The following MARF1 variants were observed in gnomAD, a reference collection of about 807,000 sequenced individuals.
MARF1 encodes the protein limkain-b1.
MARF1 carries 24 observed loss-of-function variants against 168.2 expected under a neutral mutation model. That is an observed-to-expected ratio of 0.14 (90% CI 0.10 to 0.20). The LOEUF (loss-of-function observed/expected upper bound fraction) is 0.20, where lower values mean the gene tolerates loss of function less well. Among genes scored for constraint, MARF1 ranks in the 10% least tolerant of loss-of-function variants. The pLI is 1.00. For missense variants in MARF1, 1,744 were observed against 2,143.6 expected (o/e 0.81, Z 3.68); for synonymous variants, 868 against 822.4 (o/e 1.06, Z -0.95).
At chr16:15,611,806 C>T in intron 17 of MARF1, 72 bp from the exon 18 acceptor site, 1 of 1,297,734 alleles carries the variant, frequency 7.7e-7, no homozygotes, top group South Asian at 1.3e-5. Context: ...CTGGCTCACC[C>T]TCTCGTTACT....
At position 15,625,019 on chromosome 16, in the gene MARF1, T is replaced by C. The variant is rs2034740070; in HGVS notation, c.2108A>G (p.Gln703Arg). 6.2e-7 allele frequency: 1 copy of C among 1,614,228 alleles called. No homozygotes were observed. The highest frequency in any genetic ancestry group is 1.1e-5 in the South Asian group (1 of 91,084). The change falls in exon 9 of 27, where the codon CAG becomes CGG. Residue 703 changes from glutamine to arginine, a missense_variant. Transcript: ENST00000396368. ...GAGAAAGAGTAGTTTCACATACTTC[T>C]GACTGGTTTTGTAAACGGGTTCTGC... is the stretch of plus-strand genomic sequence containing the variant. ...GVAEPVYKTS[Q>R]KKENLSARSV...
rs1253053597 is a variant in MARF1, at chr16:15,636,269, T to A, written c.218A>T (p.Lys73Met). The change falls in exon 3 of 27, where the codon AAG becomes ATG. Residue 73 changes from lysine (K) to methionine (M), a missense_variant. By Grantham distance (95) the Lys-to-Met change is moderately conservative. This residue lies in a region of MARF1 where 318 missense variants were observed against 336.6 expected (regional missense o/e 0.94). Transcript: ENST00000396368. Reference sequence around the variant, plus strand: ...AGGAAGTGGGACTGCTGGAAAAAGCTTAGAGCCAGCATGAAGGGGTGATGG... The same window carrying A: ...AGGAAGTGGGACTGCTGGAAAAAGCATAGAGCCAGCATGAAGGGGTGATGG... ...DVPSPLHAGS[K>M]LFPAVPLPDI... 1.9e-6 allele frequency: 3 copies of A among 1,613,374 alleles called. No homozygotes were observed. The African/African-American group carries it at 4.0e-5, about 22-fold the overall frequency.
rs1177167324 is a variant in MARF1 at position 15,596,547 on chromosome 16, G to GA, written c.*145dup. ...GCTCAAAGCTGTGTTCAATGGAAAA[G>GA]AAAAACATGATAGAACACAGGTAAG... On this transcript the variant is annotated 3_prime_UTR_variant, in exon 27 of 27. Transcript: ENST00000396368. The GA allele has an allele frequency of 1.4e-6, 1 of 718,242 alleles. No homozygotes were observed. Among genetic ancestry groups the GA allele is most frequent in the African/African-American group, 1.8e-5 (1 of 54,896 alleles). The allele number at this position is 718,242 out of a possible 1,614,324, so 44.5% of individuals were successfully genotyped here.
At chr16:15,629,928 T>C (rs1217365896) in intron 7 of MARF1, among the ~76,000 whole-genome samples, 1 of 152,136 alleles carries the variant, frequency 6.6e-6, no homozygotes, top group Non-Finnish European at 1.5e-5. Context: ...AATGCACAAT[T>C]GACTCCACTT....
rs192167716 is a variant in MARF1, at chr16:15,601,860, T to C, written c.4626+131A>G. ...AAAATCATTTACTTTAGACCAACAGTATGTTTTGAAAGGATCAATTCAAAA... is the reference window on the plus strand; with the variant it reads ...AAAATCATTTACTTTAGACCAACAGCATGTTTTGAAAGGATCAATTCAAAA... On this transcript the variant is annotated intron_variant, in intron 23 of 26. Coordinates refer to ENST00000396368, the MANE Select transcript of MARF1 (RefSeq NM_014647.4). 1,458 of 760,574 alleles carry C rather than the reference T, an allele frequency of 1.9e-3. 37 individuals carry two copies. The South Asian group carries it at 0.02, about 11-fold the overall frequency. The allele number at this position is 760,574 out of a possible 1,614,324, so 47.1% of individuals were successfully genotyped here. A position where few individuals can be genotyped will look rare whatever the true frequency, so the allele number is the denominator to read the frequency against.
Position 15,630,422 on chromosome 16 carries a change from G to A in MARF1, c.1434C>T (p.Ala478=). The change falls in exon 7 of 27, where the codon GCC becomes GCT. Residue 478 remains alanine (A), a synonymous_variant. Transcript: ENST00000396368. ...TAGCATGATGCAGCAGTGCTTCTGAGGCCTGGTTTTTATGGACCAAAATAA... is the reference window on the plus strand; with the variant it reads ...TAGCATGATGCAGCAGTGCTTCTGAAGCCTGGTTTTTATGGACCAAAATAA... ...FHIILVHKNQ[A]SEALLHHANE... 6.2e-7 allele frequency: 1 copy of A among 1,613,984 alleles called. No homozygotes were observed. Among genetic ancestry groups the A allele is most frequent in the Non-Finnish European group, 8.5e-7 (1 of 1,179,958 alleles).
intron 18 of MARF1, 50 bp downstream of exon 18, chr16:15,611,541 TA>T (rs768687880): frequency 7.7e-6 from 12 of 1,552,424 alleles, no homozygotes; most frequent in Non-Finnish European, 7.9e-6. Flanking sequence ...TGGCAGAAGA[TA>T]AAATGTCCTA....
In MARF1 at chr16:15,611,750, T is replaced by C. The variant is rs745548094; in HGVS notation, c.3475-16A>G. On this transcript the variant is annotated splice_polypyrimidine_tract_variant and intron_variant, in intron 17 of 26. Transcript: ENST00000396368. ...TTCCAAGAATCTGCAAAGCAAATAGTTTATTTATACACATAAGACCTCAGC... is the reference window on the plus strand; with the variant it reads ...TTCCAAGAATCTGCAAAGCAAATAGCTTATTTATACACATAAGACCTCAGC... 15 of 1,612,914 alleles carry C rather than the reference T, an allele frequency of 9.3e-6. No individual in the cohort carries two copies. Among genetic ancestry groups the C allele is most frequent in the Non-Finnish European group, 1.3e-5 (15 of 1,179,320 alleles).
chr16:15,611,501 A>T, intron 18 of MARF1, 91 bp downstream of exon 18: 1 of 1,155,264 alleles, frequency 8.7e-7, no homozygotes, highest in Non-Finnish European at 1.2e-6. Flanking sequence ...AAGAATGCTT[A>T]ATAGAAATAC....
rs185186373 is a variant in MARF1 at position 15,631,478 on chromosome 16, A to G, written c.1254T>C (p.Asn418=). The G allele has an allele frequency of 1.2e-6, 2 of 1,612,722 alleles. No homozygotes were observed. Among genetic ancestry groups the G allele is most frequent in the African/African-American group, 2.7e-5 (2 of 75,020 alleles). The change falls in exon 6 of 27, where the codon AAT becomes AAC. Residue 418 remains asparagine, a synonymous_variant. Coordinates refer to ENST00000396368, the MANE Select transcript of MARF1 (RefSeq NM_014647.4). The stretch of plus-strand genomic sequence containing the variant: ...CATCAGCGGCATTCTTTGCAGTAGC[A>G]TTGATGTGGGCAACGGTTACCTGCA... ...NNCQVTVAHI[N]ATAKNAADDK...
chr16:15,623,310 C>T (rs182520149), intron 10 of MARF1, among the ~76,000 whole-genome samples, 187 bp from the exon 11 acceptor site: 10 of 109,416 alleles, frequency 9.1e-5, no homozygotes, highest in African/African-American at 2.5e-4. Flanking sequence ...GACAGAGTCT[C>T]GCTCTGTCAC....
At position 15,611,573 on chromosome 16, in the gene MARF1, G is replaced by A. The variant is rs1212087821; in HGVS notation, c.3617+19C>T. ...TCCTAAAATATTTACTTTCATTTCTGTTCTTTTCATCAACTCACCAGTGAT... is the reference window on the plus strand; with the variant it reads ...TCCTAAAATATTTACTTTCATTTCTATTCTTTTCATCAACTCACCAGTGAT... On this transcript the variant is annotated intron_variant, in intron 18 of 26. Transcript: ENST00000396368. 12 of 1,606,784 alleles carry A rather than the reference G, an allele frequency of 7.5e-6. No individual in the cohort carries two copies. The highest frequency in any genetic ancestry group is 2.7e-5 in the African/African-American group (2 of 74,356).
intron 3 of MARF1, 196 bp downstream of exon 3, chr16:15,635,460 T>C: frequency 1.8e-6 from 1 of 569,924 alleles, no homozygotes; most frequent in Non-Finnish European, 3.1e-6. Flanking sequence ...ATAATGACTC[T>C]CTACTTTTTT....
At position 15,624,792 on chromosome 16, in the gene MARF1, G is replaced by C. The variant is rs774748276; in HGVS notation, c.2247C>G (p.Leu749=). Residue 749 remains leucine (L), a synonymous_variant, in exon 10 of 27, where the codon CTC becomes CTG. Transcript: ENST00000396368. The stretch of plus-strand genomic sequence containing the variant: ...ACCTAGAAGACCAAGACTGAGATGC[G>C]AGCAGAGGACTGACTTGCCTGGATG... ...LVASRQVSPL[L]ASQSWSSRSM... 2 of 1,614,178 alleles carry C rather than the reference G, an allele frequency of 1.2e-6. No individual in the cohort carries two copies. The highest frequency in any genetic ancestry group is 1.1e-5 in the South Asian group (1 of 91,080).
intron 7 of MARF1, 26 bp from the exon 8 acceptor site, chr16:15,625,826 G>A (rs376772439): frequency 2.5e-4 from 392 of 1,579,382 alleles, no homozygotes; most frequent in Non-Finnish European, 3.1e-4. Flanking sequence ...GAAGTGTTAC[G>A]TCAGGTTAAT....
intron 26 of MARF1, among the ~76,000 whole-genome samples, chr16:15,597,877 T>A (rs1232396016): frequency 6.6e-6 from 1 of 152,232 alleles, no homozygotes; most frequent in Non-Finnish European, 1.5e-5. Flanking sequence ...TAGGTCTGAC[T>A]GCACAGGCTG....
chr16:15,605,161 G>C (rs760801121), intron 21 of MARF1, among the ~76,000 whole-genome samples: 17 of 152,174 alleles, frequency 1.1e-4, no homozygotes, highest in Admixed American at 5.9e-4. Flanking sequence ...AGCCTTTCCT[G>C]GCACAAAAAC....
chr16:15,638,988 G>T, intron 2 of MARF1, 102 bp downstream of exon 2: 2 of 1,175,196 alleles, frequency 1.7e-6, no homozygotes, highest in Non-Finnish European at 1.2e-6. Flanking sequence ...AGAAAAATGT[G>T]GCACAGACTC....
chr16:15,610,476 G>C (rs1306183666), intron 19 of MARF1: 1 of 152,970 alleles, frequency 6.5e-6, no homozygotes, highest in East Asian at 1.9e-4. Flanking sequence ...CAGTATCCAT[G>C]AGTTTCGCAT....
Sources: allele counts gnomAD v4.1 joint callset (sites outside exome capture counted in the v4.1 genomes callset), GRCh38; gene constraint gnomAD v4.1.1; regional missense constraint gnomAD v4.1.1; transcripts MANE v1.5; gene names NCBI Gene and HGNC (gene_info 2026-07-23, HGNC 2026-07-21).